VGLL4: variants seen among roughly 807,000 people sequenced by gnomAD.
The protein encoded by VGLL4 is vestigial like family member 4, also known as transcription cofactor vestigial-like protein 4.
A neutral mutation model predicts 21.0 loss-of-function variants in VGLL4; 7 were observed. The observed-to-expected ratio is 0.33, with a 90% CI of 0.19 to 0.63. The LOEUF is 0.63. Ranked by LOEUF, VGLL4 falls within the 20% of genes least tolerant of loss-of-function variation. The probability of loss-of-function intolerance (pLI) is 0.78; values close to 1 mark genes in which losing one functional copy is unlikely to be tolerated. For missense variants in VGLL4, 394 were observed against 425.7 expected, an observed-to-expected ratio of 0.93 and a Z score of 0.66; for synonymous variants, 222 against 173.2, an observed-to-expected ratio of 1.28 and a Z score of -2.21.
chr3:11,580,374 T>C (rs950754073), intron 2 of VGLL4, among the ~76,000 whole-genome samples: 6 of 152,222 alleles, frequency 3.9e-5, no homozygotes, highest in Non-Finnish European at 8.8e-5. Context: ...ACAGACCACA[T>C]TTGGTTTTTC....
intron 1 of VGLL4, among the ~76,000 whole-genome samples, chr3:11,717,490 ATTTTTTTTTTTTT>A (rs60921966): frequency 1.4e-5 from 1 of 72,940 alleles, no homozygotes; most frequent in Non-Finnish European, 2.3e-5. Flanking sequence ...CCCACTACAG[ATTTTTTTTTTTTT>A]TTTTTTTTTT....
chr3:11,585,690 A>G (rs748779692), intron 2 of VGLL4, among the ~76,000 whole-genome samples: 11 of 152,228 alleles, frequency 7.2e-5, no homozygotes, highest in Non-Finnish European at 1.2e-4. Flanking sequence ...AGGAAATCAA[A>G]TATTATGAAA....
chr3:11,650,988 C>T (rs912242230), intron 2 of VGLL4, among the ~76,000 whole-genome samples: 32 of 152,126 alleles, frequency 2.1e-4, no homozygotes, highest in African/African-American at 4.3e-4. Flanking sequence ...CTGGTCAACA[C>T]ATTTTTGCTT....
rs2076969387 is a variant in VGLL4, at chr3:11,719,840, G to T, written c.-14+554C>A. 6.6e-6 allele frequency among the ~76,000 whole-genome samples: 1 copy of T among 151,334 alleles called. No individual in the cohort carries two copies. Among genetic ancestry groups the T allele is most frequent in the South Asian group, 2.1e-4 (1 of 4,796 alleles). On this transcript the variant is annotated intron_variant, in intron 1 of 5. Coordinates refer to the VGLL4 transcript ENST00000273038. This position sits in a 1 kb window ranked among gnomAD's most constrained non-coding sequence, Gnocchi z 4.0. The stretch of plus-strand genomic sequence containing the variant: ...GGTGCCAGCTCGCACCTCCCGGGCC[G>T]ATGCCGGCGCGCTGGGGCAGTGAGG...
chr3:11,668,491 G>A (rs1207302052), intron 2 of VGLL4, among the ~76,000 whole-genome samples: 1 of 152,140 alleles, frequency 6.6e-6, no homozygotes, highest in African/African-American at 2.4e-5. Context: ...GACATACTGA[G>A]TCAGACTCTT....
chr3:11,583,104 C>T (rs945277010), intron 2 of VGLL4, among the ~76,000 whole-genome samples: 1 of 152,196 alleles, frequency 6.6e-6, no homozygotes, highest in Non-Finnish European at 1.5e-5. Context: ...AAATTTCCAC[C>T]TGCCCACTAC....
rs2072494535 is a variant in VGLL4 at position 11,557,058 on chromosome 3, C to A, written c.*1498G>T. 6.6e-6 allele frequency: 1 copy of A among 152,494 alleles called. No homozygotes were observed. The allele number at this position is 152,494 out of a possible 1,614,324, so 9.4% of individuals were successfully genotyped here. ...AAGCCTTGCAGGTGAGGTGACCACGCCCACGTCACCTGGTCAGGTGCCATC... is the reference window on the plus strand; with the variant it reads ...AAGCCTTGCAGGTGAGGTGACCACGACCACGTCACCTGGTCAGGTGCCATC... On this transcript the variant is annotated 3_prime_UTR_variant, in exon 5 of 5. Transcript: ENST00000430365.
At chr3:11,698,668 C>T (rs1017788887) in intron 2 of VGLL4, among the ~76,000 whole-genome samples, 1 of 152,208 alleles carries the variant, frequency 6.6e-6, no homozygotes, top group African/African-American at 2.4e-5. Flanking sequence ...ACATCAATGT[C>T]TCATGAGCAG....
At position 11,568,088 on chromosome 3, in the gene VGLL4, G is replaced by A. The variant is rs2073616755; in HGVS notation, c.273-3069C>T. On this transcript the variant is annotated intron_variant, in intron 2 of 4. Transcript: ENST00000430365. This position sits in a 1 kb window ranked among gnomAD's most constrained non-coding sequence, Gnocchi z 5.9. Reference sequence around the variant, plus strand: ...GCTTACAATCTAGCAGGGACAGAAAGGCCCGGGAGGGGCTGCAGCTCCCAA... The same window carrying A: ...GCTTACAATCTAGCAGGGACAGAAAAGCCCGGGAGGGGCTGCAGCTCCCAA... Among the ~76,000 whole-genome samples the A allele has an allele frequency of 2.0e-5, 3 of 152,346 alleles. No homozygotes were observed. In the South Asian group the frequency reaches 6.2e-4, roughly 32 times the overall value.
intron 2 of VGLL4, among the ~76,000 whole-genome samples, chr3:11,577,955 A>ACG (rs1158853107): frequency 1.3e-5 from 2 of 152,184 alleles, no homozygotes; most frequent in African/African-American, 2.4e-5. Flanking sequence ...CCTGTCACCC[A>ACG]CAGGGCACAT....
intron 1 of VGLL4, among the ~76,000 whole-genome samples, chr3:11,713,637 T>A (rs1258376433): frequency 6.7e-6 from 1 of 150,288 alleles, no homozygotes; most frequent in Non-Finnish European, 1.5e-5. Context: ...CCTGCCAACC[T>A]CAAGTGTGAG....
At chr3:11,671,364 T>C in intron 2 of VGLL4, 1 of 1,106,694 alleles carries the variant, frequency 9.0e-7, no homozygotes, top group Non-Finnish European at 1.4e-6. Context: ...AGGACTACGA[T>C]TCTGCATTTC....
intron 1 of VGLL4, among the ~76,000 whole-genome samples, chr3:11,715,790 C>T (rs953851798): frequency 6.6e-6 from 1 of 152,136 alleles, no homozygotes; most frequent in Non-Finnish European, 1.5e-5. Context: ...CCTTGTTTTA[C>T]GTATGTTTCT....
intron 2 of VGLL4, among the ~76,000 whole-genome samples, chr3:11,572,325 C>T (rs1474867462): frequency 6.6e-6 from 1 of 152,160 alleles, no homozygotes; most frequent in East Asian, 1.9e-4. Flanking sequence ...AAAACTAGTA[C>T]AACGATTCCA....
At chr3:11,666,156 G>C (rs796522873) in intron 2 of VGLL4, among the ~76,000 whole-genome samples, 2 of 151,928 alleles carry the variant, frequency 1.3e-5, no homozygotes, top group Non-Finnish European at 2.9e-5. Flanking sequence ...GGAGGCTGAG[G>C]CAGGAGAGTG....
chr3:11,681,132 C>G (rs969332756), intron 2 of VGLL4, among the ~76,000 whole-genome samples: 12 of 152,210 alleles, frequency 7.9e-5, no homozygotes, highest in Non-Finnish European at 1.8e-4. Flanking sequence ...GAGTCTCGCT[C>G]TGCCGCCCAG....
At chr3:11,671,054 G>A (rs761698277) in intron 2 of VGLL4, among the ~76,000 whole-genome samples, 11 of 152,180 alleles carry the variant, frequency 7.2e-5, no homozygotes, top group Non-Finnish European at 1.5e-4. Flanking sequence ...TTAAAAAGGA[G>A]AGGGTGGTGC....
In VGLL4 at chr3:11,653,104, G is replaced by T. The variant is rs770640749; in HGVS notation, c.64+49867C>A. ...AACTGAAGGGCTAAGTTCGCTGCTAGCCCCAATGTGTGACCCAACTTCATT... is the reference window on the plus strand; with the variant it reads ...AACTGAAGGGCTAAGTTCGCTGCTATCCCCAATGTGTGACCCAACTTCATT... On this transcript the variant is annotated intron_variant, in intron 2 of 5. Transcript: ENST00000273038. This position sits in a 1 kb window ranked among gnomAD's most constrained non-coding sequence, Gnocchi z 4.2. 6.6e-6 allele frequency among the ~76,000 whole-genome samples: 1 copy of T among 152,208 alleles called. No homozygotes were observed. Among genetic ancestry groups the T allele is most frequent in the Non-Finnish European group, 1.5e-5 (1 of 68,044 alleles).
chr3:11,645,619 T>A (rs1295455140), upstream of VGLL4, among the ~76,000 whole-genome samples: 10 of 136,238 alleles, frequency 7.3e-5, no homozygotes, highest in African/African-American at 1.1e-4. Flanking sequence ...AAAAAAAAAA[T>A]CCAGCAATAG....
Sources: gnomAD v4.1 joint callset for allele counts (sites outside exome capture counted in the v4.1 genomes callset) on GRCh38, gnomAD v4.1.1 for gene constraint, Gnocchi (gnomAD v3.1) non-coding constraint, MANE v1.5 for transcripts, NCBI Gene and HGNC (gene_info 2026-07-23, HGNC 2026-07-21) for gene names.